The following TESMIN variants were observed in gnomAD, a reference collection of about 807,000 sequenced individuals.
TESMIN encodes the protein testis expressed metallothionein like protein, also known as CXC domain containing 2.
In TESMIN, 34 loss-of-function variants were observed where a neutral mutation model predicts 47.4. That is an observed-to-expected ratio of 0.72 (90% CI 0.55 to 0.96). The LOEUF is 0.96. Ranked by LOEUF, TESMIN falls within the 40% of genes least tolerant of loss-of-function variation. The probability of loss-of-function intolerance (pLI) is 0.00; values close to 1 mark genes in which losing one functional copy is unlikely to be tolerated. For missense variants in TESMIN, 610 were observed against 637.2 expected, an observed-to-expected ratio of 0.96 and a Z score of 0.46; for synonymous variants, 278 against 258.9, an observed-to-expected ratio of 1.07 and a Z score of -0.71.
intron 9 of TESMIN, among the ~76,000 whole-genome samples, chr11:68,710,095 G>A (rs1056426195): frequency 1.3e-5 from 2 of 152,136 alleles, no homozygotes; most frequent in African/African-American, 4.8e-5. Context: ...GGAGGTTGAG[G>A]CTGCGTGAGC....
chr11:68,750,150 A>G, intron 2 of TESMIN, 40 bp downstream of exon 2: 1 of 1,401,212 alleles, frequency 7.1e-7, no homozygotes, highest in Non-Finnish European at 9.3e-7. Context: ...TGGGGAAGGG[A>G]TGGAGGGGGA....
chr11:68,710,634 C>CA (rs1198043388), intron 9 of TESMIN: 1 of 483,834 alleles, frequency 2.1e-6, no homozygotes, highest in Non-Finnish European at 3.6e-6. Flanking sequence ...GGGAGTAACT[C>CA]AGACAGTGAG....
At chr11:68,750,094 G>C in intron 2 of TESMIN, 96 bp downstream of exon 2, 1 of 1,045,794 alleles carries the variant, frequency 9.6e-7, no homozygotes, top group South Asian at 2.0e-5. Context: ...CAGGGAAAAT[G>C]CTTGTAGAGG....
At position 68,750,383 on chromosome 11, in the gene TESMIN, A is replaced by G. The variant is rs772680750; in HGVS notation, c.278T>C (p.Leu93Pro). 9.3e-6 allele frequency: 14 copies of G among 1,511,836 alleles called. No individual in the cohort carries two copies. Among genetic ancestry groups the G allele is most frequent in the Non-Finnish European group, 1.2e-5 (13 of 1,126,240 alleles). 93.7% of individuals were successfully genotyped at this position (1,511,836 alleles called of 1,614,324 possible). The change falls in exon 2 of 10, where the codon CTC (leucine) becomes CCC (proline). Residue 93 changes from leucine to proline, a missense_variant. Physicochemically the swap from Leu to Pro is moderately conservative, Grantham distance 98. Transcript: ENST00000255087. ...TGGGATCCCGGGGTACTCCCCGAGGAGCTCCCCGCCGTCGCTGTCGCCCCC... is the reference window on the plus strand; with the variant it reads ...TGGGATCCCGGGGTACTCCCCGAGGGGCTCCCCGCCGTCGCTGTCGCCCCC... ...LAGGDSDGGELLGEYPGIPEL... is the reference protein window; with the variant it reads ...LAGGDSDGGEPLGEYPGIPEL...
At chr11:68,720,597 G>A (rs1946193534) in intron 6 of TESMIN, among the ~76,000 whole-genome samples, 1 of 151,976 alleles carries the variant, frequency 6.6e-6, no homozygotes, top group Admixed American at 6.6e-5. Context: ...TTCACCCACG[G>A]TCTTCATCTG....
chr11:68,734,697 C>T (rs1946367012), intron 6 of TESMIN, among the ~76,000 whole-genome samples: 1 of 152,238 alleles, frequency 6.6e-6, no homozygotes, highest in Admixed American at 6.5e-5. Flanking sequence ...GGGTTTTCCC[C>T]CAGAGCTAGA....
At chr11:68,714,470 G>A (rs924450354) in intron 7 of TESMIN, among the ~76,000 whole-genome samples, 3 of 152,222 alleles carry the variant, frequency 2.0e-5, no homozygotes, top group African/African-American at 7.2e-5. Flanking sequence ...GTGCACCCCC[G>A]CGGGGAATGC....
intron 6 of TESMIN, among the ~76,000 whole-genome samples, chr11:68,724,511 C>T (rs1946238683): frequency 6.6e-6 from 1 of 152,182 alleles, no homozygotes; most frequent in African/African-American, 2.4e-5. Context: ...GTGCATTTCC[C>T]AGCTTCCTAT....
intron 6 of TESMIN, chr11:68,736,180 G>A: frequency 1.0e-6 from 1 of 985,262 alleles, no homozygotes; most frequent in Non-Finnish European, 1.2e-6. Context: ...ACTAAAACCA[G>A]TAGCATCAAC....
At chr11:68,738,377 G>C in intron 6 of TESMIN, 1 of 1,096,170 alleles carries the variant, frequency 9.1e-7, no homozygotes. Flanking sequence ...AGAGAGGCCA[G>C]TACAGTTTGA....
chr11:68,715,911 A>G lies in TESMIN; in HGVS notation c.946T>C (p.Phe316Leu), dbSNP rs749574710. ...TTATTACAATTGCAGTTGTTGCAAA[A>G]GTCCCCACTGGCAAAGCAGTCACAG... is the stretch of plus-strand genomic sequence containing the variant. ...GYCDCFASGDFCNNCNCNNCC... is the reference protein window; with the variant it reads ...GYCDCFASGDLCNNCNCNNCC... Residue 316 changes from phenylalanine to leucine, a missense_variant, in exon 7 of 10, where the codon TTT (phenylalanine) becomes CTT (leucine). Coordinates refer to ENST00000255087, the MANE Select transcript of TESMIN (RefSeq NM_004923.3). The G allele has an allele frequency of 6.2e-7, 1 of 1,613,344 alleles. No homozygotes were observed. Among genetic ancestry groups the G allele is most frequent in the Non-Finnish European group, 8.5e-7 (1 of 1,179,296 alleles).
chr11:68,743,844 G>T (rs1289168902), intron 4 of TESMIN, among the ~76,000 whole-genome samples: 2 of 152,174 alleles, frequency 1.3e-5, no homozygotes, highest in Non-Finnish European at 2.9e-5. Flanking sequence ...TGTTTAATAT[G>T]TGCACAGTGT....
chr11:68,744,510 G>C (rs912286243), intron 4 of TESMIN, among the ~76,000 whole-genome samples: 1 of 152,202 alleles, frequency 6.6e-6, no homozygotes, highest in Admixed American at 6.5e-5. Context: ...TAGAATGAAT[G>C]TCAGACAAAT....
chr11:68,730,194 G>A (rs10750833), intron 6 of TESMIN, among the ~76,000 whole-genome samples: 92,775 of 152,104 alleles, frequency 0.61, 29,355 homozygotes, highest in East Asian at 0.78. Flanking sequence ...CATGTTTATA[G>A]TTATATAAAC....
At chr11:68,743,787 T>A (rs918321041) in intron 4 of TESMIN, among the ~76,000 whole-genome samples, 1 of 152,152 alleles carries the variant, frequency 6.6e-6, no homozygotes, top group Non-Finnish European at 1.5e-5. Context: ...ATCCTTTGAG[T>A]GAGGAATCTC....
chr11:68,705,544 G>A (rs946032784), downstream of TESMIN, among the ~76,000 whole-genome samples: 1 of 152,184 alleles, frequency 6.6e-6, no homozygotes, highest in Non-Finnish European at 1.5e-5. Context: ...TGCGCAGCCT[G>A]TGTTCACTGA....
At chr11:68,734,973 A>C (rs770744690) in intron 6 of TESMIN, among the ~76,000 whole-genome samples, 2 of 152,058 alleles carry the variant, frequency 1.3e-5, no homozygotes, top group Non-Finnish European at 2.9e-5. Flanking sequence ...TTAGTGACCC[A>C]TCCCACTCCC....
At position 68,708,014 on chromosome 11, in the gene TESMIN, G is replaced by A. The variant is rs1350460132; in HGVS notation, c.*294C>T. On this transcript the variant is annotated 3_prime_UTR_variant, in exon 10 of 10. Coordinates refer to ENST00000255087, the MANE Select transcript of TESMIN (RefSeq NM_004923.3). ...CTCTGCCCTTCGCAGGGCCTGCTGTGCCCTCCCCTGCCCTGCTCTGCCCTC... is the reference window on the plus strand; with the variant it reads ...CTCTGCCCTTCGCAGGGCCTGCTGTACCCTCCCCTGCCCTGCTCTGCCCTC... 5 of 446,310 alleles carry A rather than the reference G, an allele frequency of 1.1e-5. No individual in the cohort carries two copies. Among genetic ancestry groups the A allele is most frequent in the Non-Finnish European group, 2.1e-5 (5 of 236,692 alleles). The allele number at this position is 446,310 out of a possible 1,614,324, so 27.6% of individuals were successfully genotyped here.
At chr11:68,726,015 T>C (rs1039717287) in intron 6 of TESMIN, among the ~76,000 whole-genome samples, 1 of 152,110 alleles carries the variant, frequency 6.6e-6, no homozygotes, top group Non-Finnish European at 1.5e-5. Flanking sequence ...TTTTAACTGC[T>C]GCGTGGAGGA....
Sources: gnomAD v4.1 joint callset for allele counts (sites outside exome capture counted in the v4.1 genomes callset) on GRCh38, gnomAD v4.1.1 for gene constraint, MANE v1.5 for transcripts, NCBI Gene and HGNC (gene_info 2026-07-23, HGNC 2026-07-21) for gene names.